The following MYL9 variants were observed in gnomAD, a reference collection of about 807,000 sequenced individuals.
MYL9 encodes myosin regulatory light polypeptide 9.
A neutral mutation model predicts 12.8 loss-of-function variants in MYL9; 7 were observed. That is an observed-to-expected ratio of 0.55 (90% CI 0.31 to 1.03). The LOEUF is 1.03. MYL9 is among the 50% of genes least tolerant of loss of function. The probability of loss-of-function intolerance (pLI) is 0.05; values close to 1 mark genes in which losing one functional copy is unlikely to be tolerated. For synonymous variants in MYL9, 81 were observed against 87.8 expected (o/e 0.92, Z 0.43); for missense variants, 190 against 242.7 (o/e 0.78, Z 1.44).
At chr20:36,541,724 G>A (rs981281055) in intron 1 of MYL9, among the ~76,000 whole-genome samples, 163 bp downstream of exon 1, 2 of 152,250 alleles carry the variant, frequency 1.3e-5, no homozygotes, top group Non-Finnish European at 2.9e-5. Flanking sequence ...GGTGAGCTGG[G>A]GCAGCGAGTT....
chr20:36,545,663 G>A lies in MYL9; in HGVS notation c.184+595G>A, dbSNP rs61627664. Among the ~76,000 whole-genome samples, 929 of 151,950 alleles carry A rather than the reference G, an allele frequency of 6.1e-3. 10 individuals are homozygous for A. Among genetic ancestry groups the A allele is most frequent in the African/African-American group, 0.021 (873 of 41,444 alleles). Reference sequence around the variant, plus strand: ...AGGGGTCAGCTGGCCAGGCGCTGTGGCTCACGCCTGTAATCCCAGCATTTT... The same window carrying A: ...AGGGGTCAGCTGGCCAGGCGCTGTGACTCACGCCTGTAATCCCAGCATTTT... On this transcript the variant is annotated intron_variant, in intron 2 of 3. Transcript: ENST00000279022.
At chr20:36,545,727 G>C (rs1040441927) in intron 2 of MYL9, among the ~76,000 whole-genome samples, 1 of 151,902 alleles carries the variant, frequency 6.6e-6, no homozygotes, top group African/African-American at 2.4e-5. Context: ...TCAGAAGATC[G>C]AGATCATCCT....
rs1345006718 is a variant in MYL9, at chr20:36,549,344, G to A, written c.*95G>A. 1 of 1,163,854 alleles carries A rather than the reference G, an allele frequency of 8.6e-7. No individual in the cohort carries two copies. Among genetic ancestry groups the A allele is most frequent in the African/African-American group, 1.5e-5 (1 of 64,978 alleles). 72.1% of individuals were successfully genotyped at this position (1,163,854 alleles called of 1,614,324 possible). ...CTCCCTGCCCATGACCCTCGCTCAG[G>A]GATCCCCCTTTGAGGGGTTAGGGTC... On this transcript the variant is annotated 3_prime_UTR_variant, in exon 4 of 4. Coordinates refer to ENST00000279022, the MANE Select transcript of MYL9 (RefSeq NM_006097.5).
rs767053451 is a variant in MYL9, at chr20:36,548,198, G to GT, written c.346+6dup. 3 of 1,602,558 alleles carry GT rather than the reference G, an allele frequency of 1.9e-6. No individual in the cohort carries two copies. The highest frequency in any genetic ancestry group is 2.6e-6 in the Non-Finnish European group (3 of 1,172,858). On this transcript the variant is annotated splice_donor_region_variant and intron_variant, in intron 3 of 3. Transcript: ENST00000279022. ...GCTTCGACGAGGAAGCCTCAGGTCCGTGGCGCCCCCTACCACCACTCTGCA... is the reference window on the plus strand; with the variant it reads ...GCTTCGACGAGGAAGCCTCAGGTCCGTTGGCGCCCCCTACCACCACTCTGCA...
chr20:36,545,631 T>C (rs1435521798), intron 2 of MYL9, among the ~76,000 whole-genome samples: 1 of 150,862 alleles, frequency 6.6e-6, no homozygotes, highest in Admixed American at 6.6e-5. Context: ...TCATTTCATT[T>C]AAAGAAAGGG....
Position 36,545,086 on chromosome 20 carries a change from CAG to C in MYL9, c.184+19_184+20del. 1 of 1,612,254 alleles carries C rather than the reference CAG, an allele frequency of 6.2e-7. No homozygotes were observed. The highest frequency in any genetic ancestry group is 1.1e-5 in the South Asian group (1 of 90,888). On this transcript the variant is annotated intron_variant, in intron 2 of 3. Transcript: ENST00000279022. Reference sequence around the variant, plus strand: ...CTCGCTGGGTGAGCTGGGACAGGGACAGGGGTGAGATGGATGAGGCCAGGCAG... The same window carrying C: ...CTCGCTGGGTGAGCTGGGACAGGGACGGGTGAGATGGATGAGGCCAGGCAG...
chr20:36,544,292 G>T (rs1344087721), intron 1 of MYL9, among the ~76,000 whole-genome samples: 1 of 152,170 alleles, frequency 6.6e-6, no homozygotes, highest in Non-Finnish European at 1.5e-5. Flanking sequence ...AGAACCTCAG[G>T]CGGGCAGCAG....
In MYL9 at chr20:36,549,768, G is replaced by GC. The variant is rs1445541072; in HGVS notation, c.*520dup. ...GGAGTGTGCTCAGGAGTCGCGGGCA[G>GC]CGTGGACATCTGTCCCAGAGGGGGC... On this transcript the variant is annotated 3_prime_UTR_variant, in exon 4 of 4. Transcript: ENST00000279022. 1 of 157,502 alleles carries GC rather than the reference G, an allele frequency of 6.3e-6. No homozygotes were observed. The highest frequency in any genetic ancestry group is 2.4e-5 in the African/African-American group (1 of 41,500). 9.8% of individuals were successfully genotyped at this position (157,502 alleles called of 1,614,324 possible).
intron 3 of MYL9, 145 bp from the exon 4 acceptor site, chr20:36,548,931 CT>C: frequency 1.2e-6 from 1 of 843,114 alleles, no homozygotes; most frequent in East Asian, 2.7e-5. Flanking sequence ...CTGCCACGTC[CT>C]CATTCCTCAG....
At chr20:36,544,633 GT>G (rs2038073178) in intron 1 of MYL9, among the ~76,000 whole-genome samples, 1 of 152,194 alleles carries the variant, frequency 6.6e-6, no homozygotes, top group African/African-American at 2.4e-5. Context: ...CACTCCTCAT[GT>G]CTCCAGTCCC....
At chr20:36,548,403 C>T (rs921375239) in intron 3 of MYL9, among the ~76,000 whole-genome samples, 1 of 152,230 alleles carries the variant, frequency 6.6e-6, no homozygotes, top group South Asian at 2.1e-4. Flanking sequence ...TGATCTCCCC[C>T]GCTGGCCCAA....
intron 2 of MYL9, among the ~76,000 whole-genome samples, chr20:36,545,496 CAA>C (rs577748904): frequency 1.5e-4 from 11 of 75,316 alleles, no homozygotes; most frequent in Admixed American, 3.2e-4. Flanking sequence ...GACTCCATCT[CAA>C]AAAAAAAAAA....
At chr20:36,547,989 A>C in intron 2 of MYL9, 43 bp from the exon 3 acceptor site, 2 of 1,553,770 alleles carry the variant, frequency 1.3e-6, no homozygotes, top group Non-Finnish European at 1.7e-6. Flanking sequence ...AGCTGGGGAC[A>C]GAGGGCCCAG....
Position 36,551,427 on chromosome 20 carries a change from CAA to C in MYL9, c.*2180_*2181del, listed in dbSNP as rs2038165039. On this transcript the variant is annotated 3_prime_UTR_variant, in exon 4 of 4. Transcript: ENST00000279022. Reference sequence around the variant, plus strand: ...AGAAACCATAAGCAAAATTAAAAGCCAAATGCATTCTGGGAGGAAATACCTGC... The same window carrying C: ...AGAAACCATAAGCAAAATTAAAAGCCATGCATTCTGGGAGGAAATACCTGC... 1 of 152,086 alleles carries C rather than the reference CAA, an allele frequency of 6.6e-6. No homozygotes were observed. The highest frequency in any genetic ancestry group is 2.4e-5 in the African/African-American group (1 of 41,392). 9.4% of individuals were successfully genotyped at this position (152,086 alleles called of 1,614,324 possible).
At chr20:36,543,119 G>A (rs1301460355) in intron 1 of MYL9, among the ~76,000 whole-genome samples, 2 of 152,226 alleles carry the variant, frequency 1.3e-5, no homozygotes, top group Non-Finnish European at 2.9e-5. Flanking sequence ...AGAGGAGGGG[G>A]CCGGCATCTG....
chr20:36,547,951 G>C, intron 2 of MYL9, 81 bp from the exon 3 acceptor site: 1 of 1,454,950 alleles, frequency 6.9e-7, no homozygotes, highest in South Asian at 1.4e-5. Context: ...GAAGGGCAGG[G>C]GTGGGGGACG....
chr20:36,548,944 C>A, intron 3 of MYL9, 133 bp from the exon 4 acceptor site: 2 of 947,086 alleles, frequency 2.1e-6, no homozygotes, highest in Non-Finnish European at 3.1e-6. Flanking sequence ...ATTCCTCAGA[C>A]TGACCAGAGA....
At chr20:36,544,571 G>A (rs1249323493) in intron 1 of MYL9, among the ~76,000 whole-genome samples, 1 of 152,188 alleles carries the variant, frequency 6.6e-6, no homozygotes, top group Non-Finnish European at 1.5e-5. Context: ...TCCATGCCCG[G>A]CACTGTTCCA....
intron 3 of MYL9, 145 bp from the exon 4 acceptor site, chr20:36,548,932 T>C (rs1464098550): frequency 1.4e-5 from 12 of 842,560 alleles, no homozygotes. Context: ...TGCCACGTCC[T>C]CATTCCTCAG....
Sources: allele counts gnomAD v4.1 joint callset (sites outside exome capture counted in the v4.1 genomes callset), GRCh38; gene constraint gnomAD v4.1.1; transcripts MANE v1.5; gene names NCBI Gene and HGNC (gene_info 2026-07-23, HGNC 2026-07-21).